KLF17: variants seen among roughly 807,000 people sequenced by gnomAD.
KLF17 encodes the protein Krueppel-like factor 17.
In KLF17, 31 loss-of-function variants were observed where a neutral mutation model predicts 34.2. The ratio of observed to expected loss-of-function variants is 0.91; its 90% confidence interval spans 0.68 to 1.22. KLF17 has a LOEUF of 1.22. Ranked by LOEUF, KLF17 falls within the 50% of genes most tolerant of loss-of-function variation. The pLI is 0.00. For synonymous variants in KLF17, 179 were observed against 186.7 expected, an observed-to-expected ratio of 0.96 and a Z score of 0.34; for missense variants, 478 against 505.2, an observed-to-expected ratio of 0.95 and a Z score of 0.52.
chr1:44,099,687 G>A, the KLF17 span, among the ~76,000 whole-genome samples: 6 of 151,352 alleles, frequency 4.0e-5, no homozygotes, highest in Non-Finnish European at 8.8e-5. Context: ...GGTGGTGCAT[G>A]CCTGTAGTCC....
chr1:44,095,403 C>T, the KLF17 span, among the ~76,000 whole-genome samples: 9 of 151,404 alleles, frequency 5.9e-5, no homozygotes, highest in Non-Finnish European at 1.0e-4. Context: ...TTAGTAGAAA[C>T]GAAGTTTCTC....
At chr1:44,084,351 G>A in the KLF17 span, among the ~76,000 whole-genome samples, 1 of 152,178 alleles carries the variant, frequency 6.6e-6, no homozygotes, top group East Asian at 1.9e-4. Context: ...CACTGTTGAA[G>A]GTTAAAGTTG....
the KLF17 span, among the ~76,000 whole-genome samples, chr1:44,065,904 A>G: frequency 6.6e-6 from 1 of 152,234 alleles, no homozygotes; most frequent in Non-Finnish European, 1.5e-5. Context: ...AATTTCCTTC[A>G]GAAAAAGAAA....
the KLF17 span, among the ~76,000 whole-genome samples, chr1:44,077,422 A>T: frequency 6.6e-6 from 1 of 152,170 alleles, no homozygotes. Context: ...ATAACAAATT[A>T]CTCCAAAACT....
the KLF17 span, among the ~76,000 whole-genome samples, chr1:44,046,439 C>G: frequency 6.6e-6 from 1 of 151,692 alleles, no homozygotes. Context: ...CTAGGCTAGT[C>G]GTGAACTCCT....
At chr1:44,051,312 CA>C in the KLF17 span, 1 of 152,262 alleles carries the variant, frequency 6.6e-6, no homozygotes, top group Non-Finnish European at 1.5e-5. Context: ...AGCAGACAGG[CA>C]AGTAAGTGGC....
the KLF17 span, among the ~76,000 whole-genome samples, chr1:44,108,165 C>A: frequency 1.3e-5 from 2 of 151,840 alleles, no homozygotes; most frequent in East Asian, 3.9e-4. Context: ...TTCCCAAGAT[C>A]TTGCTGTCTT....
chr1:44,127,989 T>C (rs1252770158), intron 1 of KLF17, among the ~76,000 whole-genome samples: 1 of 152,086 alleles, frequency 6.6e-6, no homozygotes, highest in Non-Finnish European at 1.5e-5. Context: ...TTCTGGACCA[T>C]CCCAATTGAA....
At chr1:44,099,837 GA>G in the KLF17 span, among the ~76,000 whole-genome samples, 1 of 19,466 alleles carries the variant, frequency 5.1e-5, no homozygotes, top group Non-Finnish European at 8.6e-5. Context: ...AAGAAAGAAA[GA>G]AAGAAAGAAA....
At chr1:44,095,093 G>A in the KLF17 span, among the ~76,000 whole-genome samples, 2 of 151,548 alleles carry the variant, frequency 1.3e-5, no homozygotes, top group Non-Finnish European at 2.9e-5. Flanking sequence ...AGTAGAGACT[G>A]GGTTTCACTG....
intron 3 of KLF17, among the ~76,000 whole-genome samples, 165 bp from the exon 4 acceptor site, chr1:44,133,073 G>A (rs554850091): frequency 1.3e-5 from 2 of 152,308 alleles, no homozygotes; most frequent in Admixed American, 6.5e-5. Flanking sequence ...GTGCTCAAGG[G>A]ACCGTCTTGA....
chr1:44,092,310 CTA>C, the KLF17 span, among the ~76,000 whole-genome samples: 1 of 69,974 alleles, frequency 1.4e-5, no homozygotes, highest in African/African-American at 4.1e-5. Context: ...CCATTGCACT[CTA>C]TCTAGCCTGG....
the KLF17 span, among the ~76,000 whole-genome samples, chr1:44,112,157 T>C: frequency 6.6e-6 from 1 of 152,242 alleles, no homozygotes; most frequent in Admixed American, 6.5e-5. Flanking sequence ...GTAGTTAGGT[T>C]GTTTCCAAAT....
the KLF17 span, among the ~76,000 whole-genome samples, chr1:44,111,385 AT>A: frequency 6.6e-6 from 1 of 151,784 alleles, no homozygotes; most frequent in African/African-American, 2.4e-5. Context: ...TGGTGTATCC[AT>A]AAACAATTTC....
chr1:44,097,599 A>G, the KLF17 span, among the ~76,000 whole-genome samples: 1 of 137,062 alleles, frequency 7.3e-6, no homozygotes, highest in Non-Finnish European at 1.6e-5. Context: ...ATAAAAAAAG[A>G]ATGAAATTAA....
the KLF17 span, among the ~76,000 whole-genome samples, chr1:44,109,217 A>G: frequency 6.6e-6 from 1 of 152,218 alleles, no homozygotes; most frequent in Admixed American, 6.5e-5. Flanking sequence ...TCCTGAGGGT[A>G]TTAACAAATT....
rs1234143689 is a variant in KLF17, at chr1:44,129,954, A to T, written c.683A>T (p.Gln228Leu). Residue 228 changes from glutamine (Q) to leucine (L), a missense_variant, in exon 2 of 4, where the codon CAG (glutamine) becomes CTG (leucine). Gln to Leu is a moderately radical substitution (Grantham distance 113). Coordinates refer to ENST00000372299, the MANE Select transcript of KLF17 (RefSeq NM_173484.4). ...CTTGGGATGCCCCCAGCTGAGTCCCAGTCATTGCTGGTTTTAGGATCTCAG... is the reference window on the plus strand; with the variant it reads ...CTTGGGATGCCCCCAGCTGAGTCCCTGTCATTGCTGGTTTTAGGATCTCAG... ...HDLGMPPAESQSLLVLGSQDS... is the reference protein window; with the variant it reads ...HDLGMPPAESLSLLVLGSQDS... 1.2e-6 allele frequency: 2 copies of T among 1,614,026 alleles called. No individual in the cohort carries two copies. The highest frequency in any genetic ancestry group is 2.7e-5 in the African/African-American group (2 of 74,922).
At chr1:44,117,985 C>T (rs916138898), upstream of KLF17, among the ~76,000 whole-genome samples, 2 of 152,294 alleles carry the variant, frequency 1.3e-5, no homozygotes, top group Non-Finnish European at 1.5e-5. Flanking sequence ...GGCCCTATCC[C>T]TCTGTCCTCG....
At chr1:44,052,842 T>G in the KLF17 span, among the ~76,000 whole-genome samples, 297 of 152,128 alleles carry the variant, frequency 2.0e-3, no homozygotes, top group African/African-American at 6.4e-3. Context: ...ATTTATTTTC[T>G]GTTGCAACAA....
Sources: gnomAD v4.1 joint callset for allele counts (sites outside exome capture counted in the v4.1 genomes callset) on GRCh38, gnomAD v4.1.1 for gene constraint, MANE v1.5 for transcripts, NCBI Gene and HGNC (gene_info 2026-07-23, HGNC 2026-07-21) for gene names.